The following NOL4 variants were observed in gnomAD, a reference collection of about 807,000 sequenced individuals.
NOL4 encodes cancer/testis antigen 125.
NOL4 carries 17 observed loss-of-function variants against 75.9 expected under a neutral mutation model. That is an observed-to-expected ratio of 0.22 (90% CI 0.15 to 0.34). The LOEUF is 0.34. NOL4 is among the 10% of genes least tolerant of loss of function. NOL4 has a pLI of 1.00. For missense variants in NOL4, 614 were observed against 793.5 expected, an observed-to-expected ratio of 0.77 and a Z score of 2.72; for synonymous variants, 292 against 289.9, an observed-to-expected ratio of 1.01 and a Z score of -0.07.
intron 2 of NOL4, among the ~76,000 whole-genome samples, chr18:34,109,772 A>G (rs1010165561): frequency 6.6e-6 from 1 of 151,942 alleles, no homozygotes; most frequent in African/African-American, 2.4e-5. Context: ...AACTTTACCT[A>G]GACCAAGAAA....
At chr18:33,892,750 C>T (rs1229638003) in intron 9 of NOL4, among the ~76,000 whole-genome samples, 1 of 152,040 alleles carries the variant, frequency 6.6e-6, no homozygotes, top group Non-Finnish European at 1.5e-5. Context: ...CTCAAACTCC[C>T]AGGCTCAAGT....
intron 8 of NOL4, among the ~76,000 whole-genome samples, chr18:33,951,542 T>C (rs2069224306): frequency 6.7e-6 from 1 of 149,204 alleles, no homozygotes; most frequent in South Asian, 2.1e-4. Context: ...TTCTTCATCA[T>C]TATCTTTTTC....
chr18:34,100,444 T>C (rs898569068), intron 4 of NOL4, among the ~76,000 whole-genome samples: 4 of 152,174 alleles, frequency 2.6e-5, no homozygotes, highest in Non-Finnish European at 5.9e-5. Context: ...AAAACTGCTC[T>C]TGTAAAGAAC....
At chr18:33,931,051 T>C (rs1367908608) in intron 9 of NOL4, among the ~76,000 whole-genome samples, 1 of 152,012 alleles carries the variant, frequency 6.6e-6, no homozygotes, top group East Asian at 1.9e-4. Flanking sequence ...TCTGGCAAAT[T>C]AAAAAAACAC....
At chr18:34,160,161 T>A (rs1005611523) in intron 1 of NOL4, among the ~76,000 whole-genome samples, 51 of 152,072 alleles carry the variant, frequency 3.4e-4, no homozygotes, top group African/African-American at 1.2e-3. Context: ...AGGAGGAAAA[T>A]TTTGCAAGAA....
intron 5 of NOL4, among the ~76,000 whole-genome samples, chr18:34,049,580 A>T (rs552860738): frequency 4.6e-5 from 7 of 152,076 alleles, no homozygotes; most frequent in South Asian, 2.1e-4. Flanking sequence ...GCAGAGGTTC[A>T]GTTTACTCAA....
chr18:33,968,979 TG>T, intron 6 of NOL4, among the ~76,000 whole-genome samples: 1 of 152,334 alleles, frequency 6.6e-6, no homozygotes, highest in Middle Eastern at 3.4e-3. Context: ...TGACAGTTTA[TG>T]TTTTTTACTG....
At chr18:34,217,511 T>C (rs1183931629) in intron 1 of NOL4, among the ~76,000 whole-genome samples, 3 of 152,104 alleles carry the variant, frequency 2.0e-5, no homozygotes, top group African/African-American at 7.2e-5. Flanking sequence ...GGTCTCAAAC[T>C]CCTGAGCTCA....
chr18:34,185,709 A>G (rs748962484), intron 1 of NOL4, among the ~76,000 whole-genome samples: 1 of 152,126 alleles, frequency 6.6e-6, no homozygotes, highest in Non-Finnish European at 1.5e-5. Flanking sequence ...CTTTCACTTT[A>G]TAGAGTGCAT....
intron 5 of NOL4, among the ~76,000 whole-genome samples, chr18:34,067,222 G>A (rs1417899019): frequency 1.3e-5 from 2 of 152,106 alleles, no homozygotes; most frequent in African/African-American, 2.4e-5. Context: ...AGGCAATGGG[G>A]CAAGAAATGT....
chr18:33,877,772 C>T (rs2064015448), intron 10 of NOL4, among the ~76,000 whole-genome samples: 1 of 151,752 alleles, frequency 6.6e-6, no homozygotes, highest in Non-Finnish European at 1.5e-5. Flanking sequence ...TCCTATGTGG[C>T]TTTTGGGCAC....
chr18:34,094,410 A>AGAG (rs2078673191), intron 4 of NOL4, among the ~76,000 whole-genome samples: 1 of 152,204 alleles, frequency 6.6e-6, no homozygotes, highest in Non-Finnish European at 1.5e-5. Context: ...GCAACCACAA[A>AGAG]GAGGAGTTCT....
chr18:33,910,319 G>T (rs1049504091), intron 9 of NOL4, among the ~76,000 whole-genome samples: 18 of 152,092 alleles, frequency 1.2e-4, no homozygotes, highest in Non-Finnish European at 2.4e-4. Context: ...GGACTCTAGG[G>T]TTTCAAATCA....
intron 1 of NOL4, among the ~76,000 whole-genome samples, chr18:34,159,581 T>A (rs2031108472): frequency 1.3e-5 from 2 of 151,214 alleles, no homozygotes; most frequent in Admixed American, 1.3e-4. Context: ...AGCTTGAGAG[T>A]CCCCTAGAGA....
chr18:34,137,762 A>G (rs1466079036), intron 1 of NOL4, among the ~76,000 whole-genome samples: 1 of 139,266 alleles, frequency 7.2e-6, no homozygotes, highest in East Asian at 2.2e-4. Context: ...GTAAGCCAAA[A>G]TCATGTATAT....
intron 6 of NOL4, among the ~76,000 whole-genome samples, chr18:33,989,013 T>C (rs985436593): frequency 6.6e-6 from 1 of 151,052 alleles, no homozygotes; most frequent in African/African-American, 2.4e-5. Flanking sequence ...ATGGGCAAGA[T>C]AAAAAAGCCC....
intron 5 of NOL4, among the ~76,000 whole-genome samples, chr18:34,055,103 TC>T (rs2076780897): frequency 6.6e-6 from 1 of 151,572 alleles, no homozygotes; most frequent in Non-Finnish European, 1.5e-5. Flanking sequence ...GTATTTTATA[TC>T]CATTAACATA....
At chr18:33,866,260 A>C (rs1206570562) in intron 10 of NOL4, among the ~76,000 whole-genome samples, 1 of 152,132 alleles carries the variant, frequency 6.6e-6, no homozygotes, top group African/African-American at 2.4e-5. Context: ...AGTACTGCAA[A>C]ACTCAAATCT....
intron 5 of NOL4, among the ~76,000 whole-genome samples, chr18:34,068,028 G>A (rs1413372497): frequency 6.6e-6 from 1 of 152,078 alleles, no homozygotes; most frequent in Non-Finnish European, 1.5e-5. Flanking sequence ...GTAAAGAGAT[G>A]GGAGAAATGA....
Sources: allele counts gnomAD v4.1 joint callset (sites outside exome capture counted in the v4.1 genomes callset), GRCh38; gene constraint gnomAD v4.1.1; transcripts MANE v1.5; gene names NCBI Gene and HGNC (gene_info 2026-07-23, HGNC 2026-07-21).